Variants in EYS observed in about 807,000 individuals in gnomAD.
EYS encodes the protein protein eyes shut homolog.
In EYS, 250 loss-of-function variants were observed where a neutral mutation model predicts 282.1. The ratio of observed to expected loss-of-function variants is 0.89; its 90% CI spans 0.80 to 0.98. EYS has a LOEUF of 0.98. Ranked by LOEUF, EYS falls within the 50% of genes least tolerant of loss-of-function variation. The pLI is 0.00. For missense variants in EYS, 4,016 were observed against 3,709.0 expected (o/e 1.08, Z -2.15); for synonymous variants, 1,355 against 1,282.9 (o/e 1.06, Z -1.20).
intron 9 of EYS, among the ~76,000 whole-genome samples, 191 bp from the exon 10 acceptor site, chr6:65,344,368 G>A (rs1490877601): frequency 6.6e-6 from 1 of 151,454 alleles, no homozygotes; most frequent in Non-Finnish European, 1.5e-5. Context: ...TTTTAAACAT[G>A]AACTGAGAAA....
chr6:63,780,826 G>A (rs1448072142), intron 39 of EYS, among the ~76,000 whole-genome samples: 1 of 152,280 alleles, frequency 6.6e-6, no homozygotes, highest in East Asian at 1.9e-4. Context: ...CCTTGCCTAT[G>A]CCTATGTCCT....
chr6:65,526,611 T>C (rs772385921), intron 2 of EYS, among the ~76,000 whole-genome samples: 7 of 152,004 alleles, frequency 4.6e-5, no homozygotes, highest in Non-Finnish European at 1.0e-4. Context: ...TGAGACCATC[T>C]TGGCTAACAC....
rs116535273 is a variant in EYS at position 65,678,254 on chromosome 6, C to G, written c.-448+28881G>C. Among the ~76,000 whole-genome samples the G allele has an allele frequency of 5.5e-3, 832 of 152,020 alleles. 8 individuals are homozygous for G. Among genetic ancestry groups the G allele is most frequent in the African/African-American group, 0.019 (780 of 41,518 alleles). ...TAATGAGGGATCTGCCCCCATGAGC[C>G]AAACATTCCCCACGAAGCCCTATCT... On this transcript the variant is annotated intron_variant, in intron 1 of 42. Transcript: ENST00000503581.
At chr6:64,757,024 G>A (rs913453078) in intron 22 of EYS, among the ~76,000 whole-genome samples, 3 of 151,688 alleles carry the variant, frequency 2.0e-5, no homozygotes, top group South Asian at 4.2e-4. Flanking sequence ...TCACATATAC[G>A]TACAGACCCC....
chr6:64,483,708 C>G (rs1197256369), intron 26 of EYS, among the ~76,000 whole-genome samples: 2 of 151,564 alleles, frequency 1.3e-5, no homozygotes, highest in African/African-American at 4.8e-5. Context: ...TTTAGCAAGT[C>G]ACTTGCCCTC....
intron 12 of EYS, among the ~76,000 whole-genome samples, chr6:65,185,001 G>A (rs1031069573): frequency 6.7e-6 from 1 of 149,828 alleles, no homozygotes; most frequent in Non-Finnish European, 1.5e-5. Flanking sequence ...AATTTGAAGT[G>A]GGAAATTTTC....
chr6:64,269,230 C>T (rs1767862447), intron 30 of EYS, among the ~76,000 whole-genome samples: 1 of 151,940 alleles, frequency 6.6e-6, no homozygotes. Flanking sequence ...CTATACTTTG[C>T]CCATCTAAGA....
intron 31 of EYS, among the ~76,000 whole-genome samples, chr6:64,188,668 G>A (rs916600967): frequency 3.3e-5 from 5 of 152,100 alleles, no homozygotes; most frequent in East Asian, 1.9e-4. Flanking sequence ...CCTATCCTGC[G>A]AACTCTTAAA....
rs1031695354 is a variant in EYS, at chr6:65,439,165, G to T, written c.863-33798C>A. 3.9e-5 allele frequency among the ~76,000 whole-genome samples: 6 copies of T among 152,110 alleles called. 1 individual carries two copies. The East Asian group carries it at 1.2e-3, about 29-fold the overall frequency. ...GGTTTGTCAAATTCAGATGGTTGTA[G>T]ATGTGTGGTATTATTTCTGAGGGCT... On this transcript the variant is annotated intron_variant, in intron 5 of 42. Coordinates refer to ENST00000503581, the MANE Select transcript of EYS (RefSeq NM_001142800.2).
chr6:63,816,093 C>CAAAAGATA (rs1771171403), intron 36 of EYS, among the ~76,000 whole-genome samples: 1 of 152,014 alleles, frequency 6.6e-6, no homozygotes, highest in Non-Finnish European at 1.5e-5. Flanking sequence ...GTTTCAAAAG[C>CAAAAGATA]ATATAAAAAG....
At chr6:65,627,014 C>CCTTTCTTT (rs67656600) in intron 2 of EYS, among the ~76,000 whole-genome samples, 13,313 of 151,484 alleles carry the variant, frequency 0.088, 647 homozygotes, top group South Asian at 0.12. Context: ...CTCTCTCTGC[C>CCTTTCTTT]CTTTCTTTCT....
chr6:63,951,528 G>C (rs146630114), intron 35 of EYS, among the ~76,000 whole-genome samples: 1 of 151,602 alleles, frequency 6.6e-6, no homozygotes, highest in Non-Finnish European at 1.5e-5. Flanking sequence ...CTTTTCTACC[G>C]ACCCATCTGA....
intron 2 of EYS, among the ~76,000 whole-genome samples, chr6:65,512,526 G>A (rs1582398312): frequency 6.7e-6 from 1 of 148,664 alleles, no homozygotes; most frequent in Non-Finnish European, 1.5e-5. Flanking sequence ...ACATTGTAAA[G>A]TAATTTTAAT....
intron 29 of EYS, among the ~76,000 whole-genome samples, 199 bp downstream of exon 29, chr6:64,388,491 C>T (rs1191950041): frequency 6.6e-6 from 1 of 151,946 alleles, no homozygotes; most frequent in African/African-American, 2.4e-5. Flanking sequence ...TTAAAAAGAA[C>T]AGTAAACTTC....
chr6:65,297,104 C>G (rs1768688953), intron 11 of EYS, among the ~76,000 whole-genome samples: 1 of 150,876 alleles, frequency 6.6e-6, no homozygotes. Flanking sequence ...AATATAAATT[C>G]TTAGATCATT....
chr6:64,183,134 A>C (rs190755389), intron 31 of EYS, among the ~76,000 whole-genome samples: 1 of 152,158 alleles, frequency 6.6e-6, no homozygotes, highest in Admixed American at 6.5e-5. Flanking sequence ...CTGGGCATTC[A>C]TTCTTCTCCC....
chr6:64,676,154 T>C (rs888717183), intron 22 of EYS, among the ~76,000 whole-genome samples: 35 of 147,248 alleles, frequency 2.4e-4, no homozygotes, highest in African/African-American at 8.6e-4. Context: ...ATTATTCCCT[T>C]TTACAAATAG....
intron 25 of EYS, among the ~76,000 whole-genome samples, chr6:64,592,594 T>C (rs879349941): frequency 6.6e-6 from 1 of 152,154 alleles, no homozygotes; most frequent in African/African-American, 2.4e-5. Context: ...AAGAGTAAAT[T>C]TGGAATTTAA....
rs1466946357 is a variant in EYS at position 64,686,799 on chromosome 6, ATATATGTGTG to A, written c.3444-60564_3444-60555del. On this transcript the variant is annotated intron_variant, in intron 22 of 42. Transcript: ENST00000503581. ...TATATATATATATATGTGTGTATAT[ATATATGTGTG>A]TATATATATATGTGTATATATATAT... Among the ~76,000 whole-genome samples, 5 of 66,928 alleles carry A rather than the reference ATATATGTGTG, an allele frequency of 7.5e-5. 1 individual carries two copies. The highest frequency in any genetic ancestry group is 1.5e-4 in the African/African-American group (3 of 19,478). The allele number at this position is 66,928 out of a possible 152,430, so 43.9% of individuals were successfully genotyped here.
Sources: allele counts gnomAD v4.1 joint callset (sites outside exome capture counted in the v4.1 genomes callset), GRCh38; gene constraint gnomAD v4.1.1; transcripts MANE v1.5; gene names NCBI Gene and HGNC (gene_info 2026-07-23, HGNC 2026-07-21).